KCNIP1: variants seen among roughly 807,000 people sequenced by gnomAD.
The protein encoded by KCNIP1 is A-type potassium channel modulatory protein KCNIP1.
KCNIP1 carries 18 observed loss-of-function variants against 33.0 expected under a neutral mutation model. The ratio of observed to expected loss-of-function variants is 0.55; its 90% confidence interval spans 0.38 to 0.81. KCNIP1 has a LOEUF of 0.81. Ranked by LOEUF, KCNIP1 falls within the 30% of genes least tolerant of loss-of-function variation. The pLI is 0.00. For synonymous variants in KCNIP1, 93 were observed against 98.3 expected (o/e 0.95, Z 0.32); for missense variants, 238 against 271.6 (o/e 0.88, Z 0.87).
intron 1 of KCNIP1, chr5:170,383,918 A>G: frequency 6.5e-7 from 1 of 1,527,124 alleles, no homozygotes; most frequent in Non-Finnish European, 8.9e-7. Flanking sequence ...CACCCATTTG[A>G]ACCCATTATC....
chr5:170,702,999 G>A (rs1299380347), intron 1 of KCNIP1, among the ~76,000 whole-genome samples: 3 of 140,370 alleles, frequency 2.1e-5, no homozygotes, highest in African/African-American at 7.8e-5. Context: ...GTTAAGCAAT[G>A]TGAAAGTACT....
At chr5:170,357,132 T>TAA (rs60983905) in intron 1 of KCNIP1, among the ~76,000 whole-genome samples, 203 of 146,848 alleles carry the variant, frequency 1.4e-3, no homozygotes, top group Middle Eastern at 3.4e-3. Context: ...TCTTTGGCAT[T>TAA]AAAAAAAAAA....
chr5:170,598,317 C>T (rs1272527747), intron 1 of KCNIP1, among the ~76,000 whole-genome samples: 1 of 152,076 alleles, frequency 6.6e-6, no homozygotes, highest in Non-Finnish European at 1.5e-5. Context: ...GGAGTCCAGA[C>T]CAGCAGGAAC....
At chr5:170,644,495 C>T (rs916930269) in intron 1 of KCNIP1, among the ~76,000 whole-genome samples, 1 of 152,212 alleles carries the variant, frequency 6.6e-6, no homozygotes, top group Admixed American at 6.5e-5. Context: ...AGCCTGAGCA[C>T]CTGCATCTCA....
chr5:170,516,107 T>C (rs1159009602), intron 1 of KCNIP1, among the ~76,000 whole-genome samples: 1 of 152,114 alleles, frequency 6.6e-6, no homozygotes, highest in Non-Finnish European at 1.5e-5. Context: ...AGTCAGGCTG[T>C]CCATGTTCAG....
At chr5:170,574,867 G>A (rs560938413) in intron 1 of KCNIP1, among the ~76,000 whole-genome samples, 63 of 152,292 alleles carry the variant, frequency 4.1e-4, no homozygotes, top group African/African-American at 1.3e-3. Flanking sequence ...GAGAACACCC[G>A]TGCAGACATG....
At chr5:170,707,790 T>C (rs921897638) in intron 1 of KCNIP1, among the ~76,000 whole-genome samples, 3 of 152,174 alleles carry the variant, frequency 2.0e-5, no homozygotes, top group Non-Finnish European at 2.9e-5. Flanking sequence ...CTCAAAGGTT[T>C]TTTTTTTTGG....
chr5:170,487,436 G>A (rs1400059475), intron 1 of KCNIP1, among the ~76,000 whole-genome samples: 5 of 151,774 alleles, frequency 3.3e-5, no homozygotes, highest in Admixed American at 3.3e-4. Context: ...ACATACCGTA[G>A]CATAAAATGA....
chr5:170,447,876 A>T (rs1756156918), intron 1 of KCNIP1, among the ~76,000 whole-genome samples: 1 of 151,622 alleles, frequency 6.6e-6, no homozygotes, highest in South Asian at 2.1e-4. Flanking sequence ...TTTCACCTTG[A>T]GGCCTTTGCA....
chr5:170,518,491 A>C (rs1429797838), intron 1 of KCNIP1, among the ~76,000 whole-genome samples: 2 of 152,200 alleles, frequency 1.3e-5, no homozygotes, highest in African/African-American at 4.8e-5. Flanking sequence ...GTACATCGTC[A>C]AGTCTTCAAT....
upstream of KCNIP1, chr5:170,503,929 TC>T: frequency 2.0e-6 from 1 of 499,124 alleles, no homozygotes; most frequent in Non-Finnish European, 2.6e-6. Context: ...GGGCTGGGCG[TC>T]CCCCGCCCCC....
chr5:170,553,478 A>G (rs1354945558), intron 1 of KCNIP1, among the ~76,000 whole-genome samples: 1 of 152,218 alleles, frequency 6.6e-6, no homozygotes, highest in Non-Finnish European at 1.5e-5. Flanking sequence ...ATCTAGGCAG[A>G]CTGACCCAGA....
chr5:170,698,539 A>G (rs1475850843), intron 1 of KCNIP1, among the ~76,000 whole-genome samples: 1 of 152,086 alleles, frequency 6.6e-6, no homozygotes, highest in East Asian at 1.9e-4. Flanking sequence ...CACATGAGAT[A>G]GTGCACATGA....
intron 1 of KCNIP1, among the ~76,000 whole-genome samples, chr5:170,390,502 C>CAAAAAAAAAA (rs1296285736): frequency 1.4e-4 from 5 of 35,792 alleles, no homozygotes; most frequent in African/African-American, 5.1e-4. Context: ...GACCCCGTCT[C>CAAAAAAAAAA]AAAAAAAAAA....
intron 1 of KCNIP1, among the ~76,000 whole-genome samples, chr5:170,709,843 A>G (rs1763384766): frequency 6.6e-6 from 1 of 152,002 alleles, no homozygotes; most frequent in African/African-American, 2.4e-5. Flanking sequence ...TATGTCTCTT[A>G]TGCAAGCTTA....
intron 1 of KCNIP1, among the ~76,000 whole-genome samples, chr5:170,672,521 T>C (rs1761964321): frequency 1.3e-5 from 2 of 152,320 alleles, no homozygotes; most frequent in South Asian, 4.1e-4. Context: ...GAGAATTAAT[T>C]TCAGGGTGGA....
chr5:170,421,096 C>CTCCCCGGTTCCAAG (rs1755476794), intron 1 of KCNIP1, among the ~76,000 whole-genome samples: 3 of 152,144 alleles, frequency 2.0e-5, no homozygotes, highest in Non-Finnish European at 4.4e-5. Context: ...TCAGGATCAG[C>CTCCCCGGTTCCAAG]TCCCCGGAAA....
At chr5:170,567,320 G>T (rs939135191) in intron 1 of KCNIP1, among the ~76,000 whole-genome samples, 4 of 152,196 alleles carry the variant, frequency 2.6e-5, no homozygotes, top group Admixed American at 6.5e-5. Context: ...CCATAGTGTC[G>T]CTGGGGAGAA....
rs1214209881 is a variant in KCNIP1, at chr5:170,566,559, C to T, written c.61+61926C>T. On this transcript the variant is annotated intron_variant, in intron 1 of 7. Coordinates refer to ENST00000328939, the MANE Select transcript of KCNIP1 (RefSeq NM_014592.4). ...TTCAATGCCCATGCTTTCCCCCACA[C>T]ACCATGCCACCACATGTCCCTCAGG... 2.0e-5 allele frequency among the ~76,000 whole-genome samples: 3 copies of T among 152,216 alleles called. No homozygotes were observed. The East Asian group carries it at 5.8e-4, about 29-fold the overall frequency.
Sources: gnomAD v4.1 joint callset for allele counts (sites outside exome capture counted in the v4.1 genomes callset) on GRCh38, gnomAD v4.1.1 for gene constraint, MANE v1.5 for transcripts, NCBI Gene and HGNC (gene_info 2026-07-23, HGNC 2026-07-21) for gene names.